The following SLC35F1 variants were observed in gnomAD, a reference collection of about 807,000 sequenced individuals.
SLC35F1 encodes solute carrier family 35 member F1.
SLC35F1 carries 14 observed loss-of-function variants against 48.7 expected under a neutral mutation model. The observed-to-expected ratio is 0.29, with a 90% CI of 0.19 to 0.45. SLC35F1 has a LOEUF of 0.45. Ranked by LOEUF, SLC35F1 falls within the 20% of genes least tolerant of loss-of-function variation. SLC35F1 has a pLI of 1.00. For synonymous variants in SLC35F1, 190 were observed against 202.2 expected (o/e 0.94, Z 0.51); for missense variants, 404 against 500.0 (o/e 0.81, Z 1.83).
At chr6:118,199,473 T>A (rs1179280754) in intron 2 of SLC35F1, among the ~76,000 whole-genome samples, 1 of 152,206 alleles carries the variant, frequency 6.6e-6, no homozygotes, top group African/African-American at 2.4e-5. Flanking sequence ...AATTAAACAA[T>A]CTCCATATCA....
At position 118,315,408 on chromosome 6, in the gene SLC35F1, A is replaced by G. The variant is rs2114676397; in HGVS notation, c.*1156A>G. On this transcript the variant is annotated 3_prime_UTR_variant, in exon 8 of 8. Coordinates refer to ENST00000360388, the MANE Select transcript of SLC35F1 (RefSeq NM_001029858.4). ...TTTGGTCATATTTGGCATCCATTCA[A>G]TAACAGATATATTGACACGACATTC... 1 of 150,862 alleles carries G rather than the reference A, an allele frequency of 6.6e-6. No homozygotes were observed. The highest frequency in any genetic ancestry group is 2.1e-4 in the South Asian group (1 of 4,732). 9.3% of individuals were successfully genotyped at this position (150,862 alleles called of 1,614,324 possible).
intron 1 of SLC35F1, among the ~76,000 whole-genome samples, chr6:118,021,516 A>T (rs1435632200): frequency 6.6e-6 from 1 of 152,178 alleles, no homozygotes; most frequent in African/African-American, 2.4e-5. Flanking sequence ...GTCACAGTGA[A>T]CAGCTACATA....
chr6:118,286,499 G>A (rs447193), intron 7 of SLC35F1, among the ~76,000 whole-genome samples: 74,187 of 151,970 alleles, frequency 0.49, 18,489 homozygotes, highest in Non-Finnish European at 0.55. Flanking sequence ...GGCAGACACG[G>A]GTGAAAAAGA....
At chr6:117,964,199 C>G (rs1183561306) in intron 1 of SLC35F1, among the ~76,000 whole-genome samples, 1 of 152,116 alleles carries the variant, frequency 6.6e-6, no homozygotes, top group African/African-American at 2.4e-5. Flanking sequence ...GTATATGTAC[C>G]ATATTTTCTT....
At chr6:118,253,262 GGGA>G (rs977585896) in intron 3 of SLC35F1, among the ~76,000 whole-genome samples, 3 of 152,094 alleles carry the variant, frequency 2.0e-5, no homozygotes, top group Non-Finnish European at 4.4e-5. Context: ...AGAGGCCCGA[GGGA>G]TGGAATGAAG....
chr6:118,274,690 G>T (rs1003611583), intron 4 of SLC35F1, among the ~76,000 whole-genome samples: 12 of 152,262 alleles, frequency 7.9e-5, no homozygotes, highest in African/African-American at 2.9e-4. Context: ...GTGCCACCAC[G>T]CCCAGCCCAA....
chr6:118,016,987 C>T (rs1364366266), intron 1 of SLC35F1, among the ~76,000 whole-genome samples: 3 of 152,220 alleles, frequency 2.0e-5, no homozygotes, highest in Non-Finnish European at 4.4e-5. Context: ...AGCTATCAGG[C>T]ATGTTGCTAC....
At chr6:118,025,618 G>T (rs1777451868) in intron 1 of SLC35F1, among the ~76,000 whole-genome samples, 1 of 152,110 alleles carries the variant, frequency 6.6e-6, no homozygotes, top group Non-Finnish European at 1.5e-5. Flanking sequence ...TGAGAGATTT[G>T]TCTATTCTCC....
chr6:117,997,032 T>C (rs1185335063), intron 1 of SLC35F1, among the ~76,000 whole-genome samples: 5 of 151,840 alleles, frequency 3.3e-5, no homozygotes, highest in African/African-American at 7.3e-5. Flanking sequence ...TTGAAAAAAA[T>C]TTAGATGAAT....
At chr6:117,954,338 G>A (rs530203142) in intron 1 of SLC35F1, among the ~76,000 whole-genome samples, 11 of 151,968 alleles carry the variant, frequency 7.2e-5, no homozygotes, top group East Asian at 3.9e-4. Context: ...TCCCTGCAAC[G>A]TCCACCTCCT....
At chr6:117,965,641 C>T (rs1017261760) in intron 1 of SLC35F1, among the ~76,000 whole-genome samples, 10 of 152,290 alleles carry the variant, frequency 6.6e-5, no homozygotes, top group Non-Finnish European at 7.3e-5. Flanking sequence ...GGGTGGTAGA[C>T]GGTGGATGTA....
intron 7 of SLC35F1, among the ~76,000 whole-genome samples, chr6:118,296,286 G>T (rs1776182867): frequency 6.6e-6 from 1 of 152,192 alleles, no homozygotes; most frequent in East Asian, 1.9e-4. Context: ...TAAGAAGTCT[G>T]CCCATGCCTG....
chr6:117,995,152 A>T (rs1414909390), intron 1 of SLC35F1, among the ~76,000 whole-genome samples: 1 of 152,202 alleles, frequency 6.6e-6, no homozygotes, highest in Non-Finnish European at 1.5e-5. Flanking sequence ...TTTGCAAGGT[A>T]ACTATTTTTA....
intron 7 of SLC35F1, among the ~76,000 whole-genome samples, chr6:118,303,078 AT>A (rs201474989): frequency 0.013 from 1,953 of 152,020 alleles, 18 homozygotes; most frequent in Non-Finnish European, 0.02. Context: ...TACTTATTTC[AT>A]TTTTTTGTCT....
At chr6:118,200,069 T>C (rs760062594) in intron 2 of SLC35F1, among the ~76,000 whole-genome samples, 5 of 152,072 alleles carry the variant, frequency 3.3e-5, no homozygotes, top group Non-Finnish European at 7.4e-5. Context: ...TTTTGATACA[T>C]AGTACCAAAT....
intron 1 of SLC35F1, among the ~76,000 whole-genome samples, chr6:118,046,380 T>C (rs1055329903): frequency 6.6e-6 from 1 of 152,174 alleles, no homozygotes; most frequent in Non-Finnish European, 1.5e-5. Context: ...ATTCTGTCTT[T>C]CTGAAAATAA....
chr6:118,121,778 T>C (rs999018500), intron 1 of SLC35F1, among the ~76,000 whole-genome samples: 16 of 152,180 alleles, frequency 1.1e-4, no homozygotes, highest in African/African-American at 3.4e-4. Context: ...AGAGGAAGAC[T>C]CTCAGAGACA....
At chr6:118,046,646 A>G (rs1772306094) in intron 1 of SLC35F1, among the ~76,000 whole-genome samples, 1 of 152,122 alleles carries the variant, frequency 6.6e-6, no homozygotes, top group Non-Finnish European at 1.5e-5. Flanking sequence ...TTAAATGAGA[A>G]AATGTTTGTA....
At chr6:118,180,241 A>G (rs73523965) in intron 2 of SLC35F1, among the ~76,000 whole-genome samples, 4,892 of 152,240 alleles carry the variant, frequency 0.032, 244 homozygotes, top group African/African-American at 0.11. Flanking sequence ...AAACAATTAC[A>G]GATCCTCTGG....
Sources: allele counts gnomAD v4.1 joint callset (sites outside exome capture counted in the v4.1 genomes callset), GRCh38; gene constraint gnomAD v4.1.1; transcripts MANE v1.5; gene names NCBI Gene and HGNC (gene_info 2026-07-23, HGNC 2026-07-21).